The following CYP2R1 variants were observed in gnomAD, a reference collection of about 807,000 sequenced individuals.
The protein encoded by CYP2R1 is cytochrome P450 family 2 subfamily R member 1, also known as vitamin D 25-hydroxylase.
A neutral mutation model predicts 45.7 loss-of-function variants in CYP2R1; 40 were observed. The observed-to-expected ratio is 0.87, with a 90% confidence interval of 0.68 to 1.14. The LOEUF (loss-of-function observed/expected upper bound fraction) is 1.14. Among genes scored for constraint, CYP2R1 ranks in the 50% most tolerant of loss-of-function variants. CYP2R1 has a pLI of 0.00. For synonymous variants in CYP2R1, 234 were observed against 219.3 expected (o/e 1.07, Z -0.59); for missense variants, 605 against 602.6 (o/e 1.00, Z -0.04).
Position 14,880,626 on chromosome 11 carries a change from T to C in CYP2R1, c.510A>G (p.Glu170=). 6.2e-7 allele frequency: 1 copy of C among 1,601,720 alleles called. No individual in the cohort carries two copies. The highest frequency in any genetic ancestry group is 8.5e-7 in the Non-Finnish European group (1 of 1,175,188). ...AGTCAAAAGGTCTACCTTTGTATGT[T>C]TCAATAGCATCATTGAAAAATTTGG... is the stretch of plus-strand genomic sequence containing the variant. The part of the protein sequence containing the change: ...EETKFFNDAI[E]TYKGRPFDFK... Residue 170 remains glutamate, a synonymous_variant, in exon 3 of 5, where the codon GAA becomes GAG. Coordinates refer to ENST00000334636, the MANE Select transcript of CYP2R1 (RefSeq NM_024514.5).
chr11:14,885,992 G>T lies in CYP2R1; in HGVS notation c.226-75C>A. ...AATATAACCATGGAAATCTACAAGT[G>T]GTAAGTGCGGCTCTTCCAGGATTTG... On this transcript the variant is annotated intron_variant, in intron 1 of 4. Transcript: ENST00000334636. The T allele has an allele frequency of 2.8e-6, 4 of 1,421,306 alleles. No individual in the cohort carries two copies. The South Asian group carries it at 4.7e-5, about 17-fold the overall frequency. 88.0% of individuals were successfully genotyped at this position (1,421,306 alleles called of 1,614,324 possible). A position where few individuals can be genotyped will look rare whatever the true frequency, so the allele number is the denominator to read the frequency against.
intron 2 of CYP2R1, among the ~76,000 whole-genome samples, chr11:14,881,269 G>A (rs1236305938): frequency 2.0e-5 from 3 of 152,064 alleles, no homozygotes; most frequent in Non-Finnish European, 2.9e-5. Flanking sequence ...ACAGGGGTAA[G>A]GGTACTCTGA....
In CYP2R1 at chr11:14,885,859, A is replaced by G. The variant is rs782344364; in HGVS notation, c.284T>C (p.Val95Ala). The G allele has an allele frequency of 6.2e-7, 1 of 1,613,554 alleles. No individual in the cohort carries two copies. The highest frequency in any genetic ancestry group is 8.5e-7 in the Non-Finnish European group (1 of 1,179,636). The change falls in exon 2 of 5, where the codon GTA becomes GCA. Residue 95 changes from valine to alanine, a missense_variant. Val to Ala is a moderately conservative substitution (Grantham distance 64). Coordinates refer to ENST00000334636, the MANE Select transcript of CYP2R1 (RefSeq NM_024514.5). ...STVVLNGYDV[V>A]KECLVHQSEI... ...GCTTTGATGAACAAGGCATTCCTTT[A>G]CTACATCATAGCCATTTAGAACCAC...
chr11:14,885,952 C>T (rs1458427241), intron 1 of CYP2R1, 35 bp from the exon 2 acceptor site: 2 of 1,601,710 alleles, frequency 1.2e-6, no homozygotes, highest in Non-Finnish European at 1.7e-6. Flanking sequence ...ATTTAAATGA[C>T]AGCATGTATG....
At chr11:14,891,705 G>A in intron 1 of CYP2R1, 2 of 1,235,914 alleles carry the variant, frequency 1.6e-6, no homozygotes, top group Non-Finnish European at 1.0e-6. Context: ...AGGAGCAAGA[G>A]CTCGAGCGGT....
In CYP2R1 at chr11:14,879,202, C is replaced by A; in HGVS notation, c.1242G>T (p.Trp414Cys). 1.2e-6 allele frequency: 2 copies of A among 1,613,260 alleles called. No homozygotes were observed. The highest frequency in any genetic ancestry group is 1.7e-6 in the Non-Finnish European group (2 of 1,179,518). The change falls in exon 4 of 5, where the codon TGG (tryptophan) becomes TGT (cysteine). Residue 414 changes from tryptophan (W) to cysteine (C), a missense_variant. Coordinates refer to ENST00000334636, the MANE Select transcript of CYP2R1 (RefSeq NM_024514.5). Reference protein sequence around the residue: ...LYSVHFDEKYWRDPEVFHPER... With the variant: ...LYSVHFDEKYCRDPEVFHPER... ...CAGGATGGAACACTTCTGGGTCTCT[C>A]CAGTACTTTTCATCAAAGTGTACAG...
At chr11:14,881,109 T>C (rs1469372152) in intron 2 of CYP2R1, among the ~76,000 whole-genome samples, 1 of 152,098 alleles carries the variant, frequency 6.6e-6, no homozygotes, top group Admixed American at 6.6e-5. Context: ...AATGACCACA[T>C]GTTCAATGGA....
chr11:14,878,369 G>A, intron 4 of CYP2R1, 72 bp from the exon 5 acceptor site: 1 of 1,397,162 alleles, frequency 7.2e-7, no homozygotes, highest in South Asian at 1.2e-5. Flanking sequence ...CTAATATTTG[G>A]ATGTCATTCA....
chr11:14,879,299 G>T lies in CYP2R1; in HGVS notation c.1145C>A (p.Ala382Glu), dbSNP rs782180860. The change falls in exon 4 of 5, where the codon GCA becomes GAA. Residue 382 changes from alanine to glutamate, a missense_variant. Transcript: ENST00000334636. Reference protein sequence around the residue: ...CNIVPLGIFHATSEDAVVRGY... With the variant: ...CNIVPLGIFHETSEDAVVRGY... The stretch of plus-strand genomic sequence containing the variant: ...ACGTACAACTGCATCTTCAGAGGTT[G>T]CATGGAAAATCCCTAATGGAACTAT... The T allele has an allele frequency of 6.2e-7, 1 of 1,613,238 alleles. No individual in the cohort carries two copies. The highest frequency in any genetic ancestry group is 8.5e-7 in the Non-Finnish European group (1 of 1,179,526).
intron 1 of CYP2R1, among the ~76,000 whole-genome samples, chr11:14,889,210 A>C (rs1214718112): frequency 6.6e-6 from 1 of 151,502 alleles, no homozygotes; most frequent in African/African-American, 2.4e-5. Context: ...TTTAAAAGAC[A>C]GTGGAAAACT....
Position 14,892,160 on chromosome 11 carries a change from CGCCGA to C in CYP2R1, c.41_45del (p.Leu14ArgfsTer78), listed in dbSNP as rs1236460688. 1 of 1,610,612 alleles carries C rather than the reference CGCCGA, an allele frequency of 6.2e-7. No individual in the cohort carries two copies. Among genetic ancestry groups the C allele is most frequent in the Admixed American group, 1.7e-5 (1 of 59,980 alleles). On this transcript the variant is annotated frameshift_variant, in exon 1 of 5. Transcript: ENST00000334636. LOFTEE classifies it high-confidence loss of function. ...GCGAAGAGCAGCAGGAAGAGCGCGC[CGCCGA>C]GCGCCGCCGCGCCCTCTTCAGCTCT...
intron 1 of CYP2R1, chr11:14,890,941 C>G: frequency 1.0e-6 from 1 of 985,442 alleles, no homozygotes; most frequent in Non-Finnish European, 1.2e-6. Flanking sequence ...ACTTTTCCTT[C>G]AAAACACTGA....
At chr11:14,885,705 C>A in intron 2 of CYP2R1, 71 bp downstream of exon 2, 2 of 1,531,518 alleles carry the variant, frequency 1.3e-6, no homozygotes, top group Non-Finnish European at 1.8e-6. Flanking sequence ...ACTGTATGCA[C>A]TAAAACTTAA....
intron 1 of CYP2R1, among the ~76,000 whole-genome samples, chr11:14,888,447 A>T (rs1216798465): frequency 1.3e-5 from 2 of 152,250 alleles, no homozygotes. Flanking sequence ...GATGAAAACC[A>T]TTAAGTGACT....
At chr11:14,891,225 A>T (rs1848841506) in intron 1 of CYP2R1, 1 of 983,822 alleles carries the variant, frequency 1.0e-6, no homozygotes, top group Admixed American at 6.2e-5. Flanking sequence ...CCGCAGAATG[A>T]GGAGGAGCGA....
At chr11:14,888,727 T>G (rs10500804) in intron 1 of CYP2R1, among the ~76,000 whole-genome samples, 54,091 of 152,116 alleles carry the variant, frequency 0.36, 11,032 homozygotes, top group Admixed American at 0.46. Context: ...TGATTTCATC[T>G]TTTTCATCTT....
At chr11:14,891,162 G>C in intron 1 of CYP2R1, 6 of 985,456 alleles carry the variant, frequency 6.1e-6, no homozygotes, top group Non-Finnish European at 6.0e-6. Flanking sequence ...CACACAAGCG[G>C]TGGTCGCCTT....
intron 2 of CYP2R1, 23 bp from the exon 3 acceptor site, chr11:14,880,791 T>C (rs1555012053): frequency 2.5e-6 from 4 of 1,589,188 alleles, no homozygotes; most frequent in Non-Finnish European, 3.4e-6. Flanking sequence ...ATTAAAATAT[T>C]GTATAATTCC....
intron 1 of CYP2R1, chr11:14,891,268 A>G: frequency 1.0e-6 from 1 of 985,282 alleles, no homozygotes. Flanking sequence ...TATGAGTTTT[A>G]AATGAGTCAC....
Sources: gnomAD v4.1 joint callset for allele counts (sites outside exome capture counted in the v4.1 genomes callset) on GRCh38, gnomAD v4.1.1 for gene constraint, MANE v1.5 for transcripts, NCBI Gene and HGNC (gene_info 2026-07-23, HGNC 2026-07-21) for gene names.